Variants in VRK1 observed in about 807,000 individuals in gnomAD.
The protein encoded by VRK1 is serine/threonine-protein kinase VRK1.
VRK1 carries 33 observed loss-of-function variants against 57.1 expected under a neutral mutation model. The observed-to-expected ratio is 0.58, with a 90% CI of 0.44 to 0.77. The LOEUF is 0.77. VRK1 is among the 30% of genes least tolerant of loss of function. VRK1 has a pLI of 0.00. For missense variants in VRK1, 413 were observed against 477.3 expected (o/e 0.87, Z 1.25); for synonymous variants, 137 against 147.8 (o/e 0.93, Z 0.53).
At position 96,849,640 on chromosome 14, in the gene VRK1, A is replaced by G. The variant is rs142476365; in HGVS notation, c.374+2296A>G. On this transcript the variant is annotated intron_variant, in intron 5 of 12. Transcript: ENST00000216639. ...TGAATTACTGTGAAGATGAATTGAA[A>G]ACATGTAAATTGTAAGGGGCACAGA... Among the ~76,000 whole-genome samples the G allele has an allele frequency of 7.9e-5, 12 of 152,302 alleles. No individual in the cohort carries two copies. The East Asian group carries it at 2.3e-3, about 29-fold the overall frequency.
At chr14:96,871,939 G>T (rs954587538) in intron 11 of VRK1, among the ~76,000 whole-genome samples, 2 of 152,072 alleles carry the variant, frequency 1.3e-5, no homozygotes, top group Non-Finnish European at 2.9e-5. Flanking sequence ...TTCTGCCTCA[G>T]CTGGGACTGG....
chr14:96,823,746 C>G (rs1483645566), intron 1 of VRK1, among the ~76,000 whole-genome samples: 1 of 152,174 alleles, frequency 6.6e-6, no homozygotes, highest in Non-Finnish European at 1.5e-5. Context: ...ATTCGAAACT[C>G]TATATACCAC....
intron 5 of VRK1, among the ~76,000 whole-genome samples, chr14:96,852,207 A>C (rs925232392): frequency 6.6e-6 from 1 of 152,228 alleles, no homozygotes; most frequent in African/African-American, 2.4e-5. Flanking sequence ...AGGCCCAGGA[A>C]GTAATGTGAC....
chr14:96,822,451 A>C (rs1886639705), intron 1 of VRK1, among the ~76,000 whole-genome samples: 2 of 152,212 alleles, frequency 1.3e-5, no homozygotes, highest in African/African-American at 2.4e-5. Flanking sequence ...TGATATTTAC[A>C]TTAAAGGGAA....
intron 1 of VRK1, among the ~76,000 whole-genome samples, chr14:96,826,023 C>T (rs1886788123): frequency 6.6e-6 from 1 of 152,018 alleles, no homozygotes; most frequent in Non-Finnish European, 1.5e-5. Flanking sequence ...TTCATTCAAG[C>T]CTTTTTCCTC....
chr14:96,825,667 A>G (rs930876597), intron 1 of VRK1, among the ~76,000 whole-genome samples: 8 of 152,208 alleles, frequency 5.3e-5, no homozygotes, highest in African/African-American at 1.7e-4. Flanking sequence ...ATGTCAATCA[A>G]TGTATAAGGA....
chr14:96,833,421 A>C, intron 1 of VRK1, 46 bp from the exon 2 acceptor site: 1 of 1,608,950 alleles, frequency 6.2e-7, no homozygotes, highest in Non-Finnish European at 8.5e-7. Flanking sequence ...TGTTTTAAAC[A>C]CTTCTAAGAT....
intron 1 of VRK1, among the ~76,000 whole-genome samples, chr14:96,828,383 T>C (rs2145636): frequency 0.47 from 71,173 of 152,068 alleles, 18,717 homozygotes; most frequent in East Asian, 0.86. Context: ...ACTTTTGCAG[T>C]TGAAGTCTTC....
chr14:96,820,483 C>T (rs1458806162), intron 1 of VRK1, among the ~76,000 whole-genome samples: 1 of 152,178 alleles, frequency 6.6e-6, no homozygotes, highest in Non-Finnish European at 1.5e-5. Context: ...AACCACACCA[C>T]ACTGTATGTT....
chr14:96,858,485 TTAGG>T (rs1358773616), intron 10 of VRK1, among the ~76,000 whole-genome samples: 5 of 152,222 alleles, frequency 3.3e-5, no homozygotes. Context: ...TATTCTGCTC[TTAGG>T]TCGTCTCCAA....
chr14:96,837,977 T>C (rs920652026), intron 3 of VRK1, among the ~76,000 whole-genome samples, 160 bp downstream of exon 3: 1 of 152,110 alleles, frequency 6.6e-6, no homozygotes, highest in African/African-American at 2.4e-5. Flanking sequence ...CTTTATAGTT[T>C]TAAATCACTT....
chr14:96,833,427 A>G (rs1887088457), intron 1 of VRK1, 40 bp from the exon 2 acceptor site: 15 of 1,610,732 alleles, frequency 9.3e-6, no homozygotes, highest in Non-Finnish European at 1.2e-5. Flanking sequence ...AAACACTTCT[A>G]AGATTAGAAT....
intron 11 of VRK1, among the ~76,000 whole-genome samples, chr14:96,868,799 T>C (rs926543980): frequency 7.6e-6 from 1 of 131,962 alleles, no homozygotes; most frequent in African/African-American, 3.1e-5. Flanking sequence ...AGCATTTCTG[T>C]GCTTTTTTTT....
At chr14:96,822,483 C>T (rs968438127) in intron 1 of VRK1, among the ~76,000 whole-genome samples, 2 of 152,194 alleles carry the variant, frequency 1.3e-5, no homozygotes, top group Non-Finnish European at 2.9e-5. Context: ...GTCCTATTCT[C>T]TACTTTTTAG....
chr14:96,807,966 C>CCT (rs1159471159), intron 1 of VRK1, among the ~76,000 whole-genome samples: 1 of 126,412 alleles, frequency 7.9e-6, no homozygotes, highest in African/African-American at 3.5e-5. Flanking sequence ...TCTCTCCCTC[C>CCT]CTCTCTCTCT....
At chr14:96,877,645 T>C in intron 12 of VRK1, 1 of 1,285,568 alleles carries the variant, frequency 7.8e-7, no homozygotes, top group Admixed American at 2.3e-5. Context: ...CCCTTAAATT[T>C]TAAAACTGGC....
intron 11 of VRK1, among the ~76,000 whole-genome samples, chr14:96,869,140 TAA>T (rs1238364194): frequency 6.6e-6 from 1 of 152,222 alleles, no homozygotes; most frequent in African/African-American, 2.4e-5. Flanking sequence ...TCAGTTGAAA[TAA>T]GAGTGTTATC....
intron 1 of VRK1, among the ~76,000 whole-genome samples, chr14:96,811,233 T>C (rs2139695940): frequency 6.6e-6 from 1 of 152,244 alleles, no homozygotes; most frequent in Non-Finnish European, 1.5e-5. Context: ...GCCCAGCCTC[T>C]GATCTTACTA....
intron 1 of VRK1, among the ~76,000 whole-genome samples, chr14:96,798,897 TTAA>T (rs1350391571): frequency 1.3e-5 from 2 of 152,230 alleles, no homozygotes; most frequent in South Asian, 2.1e-4. Context: ...AAGTAGTCAC[TTAA>T]TAATAGCTTT....
Sources: gnomAD v4.1 joint callset for allele counts (sites outside exome capture counted in the v4.1 genomes callset) on GRCh38, gnomAD v4.1.1 for gene constraint, MANE v1.5 for transcripts, NCBI Gene and HGNC (gene_info 2026-07-23, HGNC 2026-07-21) for gene names.